Variants in MGAM2 observed in about 807,000 individuals in gnomAD.
MGAM2 encodes maltase-glucoamylase 2 (putative), also known as probable maltase-glucoamylase 2.
MGAM2 carries 98 observed loss-of-function variants against 96.1 expected under a neutral mutation model. The observed-to-expected ratio is 1.02, with a 90% CI of 0.87 to 1.21. The LOEUF is 1.21. Among genes scored for constraint, MGAM2 ranks in the 50% most tolerant of loss-of-function variants. The pLI is 0.00. For synonymous variants in MGAM2, 749 were observed against 414.8 expected, an observed-to-expected ratio of 1.81 and a Z score of -9.79; for missense variants, 2,055 against 1,182.4, an observed-to-expected ratio of 1.74 and a Z score of -10.82.
At chr7:142,115,982 AT>A (rs1817382699) in intron 1 of MGAM2, among the ~76,000 whole-genome samples, 1 of 152,210 alleles carries the variant, frequency 6.6e-6, no homozygotes, top group Non-Finnish European at 1.5e-5. Flanking sequence ...GCTAGCAAAC[AT>A]TTGAGGATGA....
intron 32 of MGAM2, among the ~76,000 whole-genome samples, chr7:142,181,588 A>G (rs1409817682): frequency 1.3e-5 from 2 of 152,112 alleles, no homozygotes; most frequent in African/African-American, 4.8e-5. Flanking sequence ...TATCATGCCT[A>G]TGTTTCCTTA....
chr7:142,150,524 C>G (rs532251213), intron 15 of MGAM2, among the ~76,000 whole-genome samples: 1 of 152,120 alleles, frequency 6.6e-6, no homozygotes, highest in South Asian at 2.1e-4. Flanking sequence ...TACCCTCTAC[C>G]CTTTCTACTT....
At chr7:142,163,628 G>C (rs1371254155) in intron 23 of MGAM2, among the ~76,000 whole-genome samples, 3 of 152,276 alleles carry the variant, frequency 2.0e-5, no homozygotes, top group African/African-American at 7.2e-5. Context: ...CAGTTGCTGG[G>C]TCTTATGGTA....
At chr7:142,211,750 C>G (rs189127070) in intron 46 of MGAM2, among the ~76,000 whole-genome samples, 6 of 152,250 alleles carry the variant, frequency 3.9e-5, no homozygotes, top group African/African-American at 1.4e-4. Context: ...AGAATGGAAC[C>G]AAGTTGTAAA....
At chr7:142,180,185 G>T (rs538513564) in intron 32 of MGAM2, among the ~76,000 whole-genome samples, 1 of 152,208 alleles carries the variant, frequency 6.6e-6, no homozygotes, top group African/African-American at 2.4e-5. Context: ...CTGTATATTT[G>T]TGTGATTGGG....
chr7:142,167,018 C>A (rs994323023), intron 25 of MGAM2, among the ~76,000 whole-genome samples: 1 of 152,114 alleles, frequency 6.6e-6, no homozygotes, highest in Non-Finnish European at 1.5e-5. Context: ...AATAAGGATA[C>A]CAGTAATACC....
rs1471898476 is a variant in MGAM2 at position 142,154,846 on chromosome 7, G to C, written c.1923+1G>C. 2.8e-6 allele frequency: 2 copies of C among 703,030 alleles called. No individual in the cohort carries two copies. Among genetic ancestry groups the C allele is most frequent in the African/African-American group, 3.5e-5 (2 of 57,246 alleles). The allele number at this position is 703,030 out of a possible 1,614,324, so 43.5% of individuals were successfully genotyped here. On this transcript the variant is annotated splice_donor_variant, in intron 17 of 47. Transcript: ENST00000477922. LOFTEE classifies it high-confidence loss of function. The stretch of plus-strand genomic sequence containing the variant: ...GAATCACAATGGGCCTGGGTTCAGG[G>C]TAAGGTCACCAAAAGAAGTGATGGA...
chr7:142,130,090 A>G (rs1794843840), intron 3 of MGAM2, among the ~76,000 whole-genome samples: 3 of 152,162 alleles, frequency 2.0e-5, no homozygotes, highest in Admixed American at 6.5e-5. Flanking sequence ...CCTGAAAATT[A>G]TAAGACCTTT....
chr7:142,112,183 A>C (rs1817196009), intron 1 of MGAM2, among the ~76,000 whole-genome samples: 2 of 152,096 alleles, frequency 1.3e-5, no homozygotes, highest in East Asian at 1.9e-4. Context: ...GAGGAAGGTG[A>C]ATTCCTCCCA....
chr7:142,116,770 G>A, intron 1 of MGAM2, 104 bp from the exon 2 acceptor site: 1 of 670,662 alleles, frequency 1.5e-6, no homozygotes. Flanking sequence ...GATAATCAAG[G>A]TCATCTTGCA....
At chr7:142,194,904 G>C (rs1796984329) in intron 37 of MGAM2, among the ~76,000 whole-genome samples, 1 of 152,026 alleles carries the variant, frequency 6.6e-6, no homozygotes, top group South Asian at 2.1e-4. Flanking sequence ...ATACATACTA[G>C]GATCTATTAG....
intron 3 of MGAM2, among the ~76,000 whole-genome samples, chr7:142,125,901 TTAA>T (rs2129075585): frequency 6.6e-6 from 1 of 152,190 alleles, no homozygotes; most frequent in Non-Finnish European, 1.5e-5. Context: ...TGAGAAAGTA[TTAA>T]TGTTTCCTGT....
intron 7 of MGAM2, among the ~76,000 whole-genome samples, chr7:142,135,002 AG>A (rs1795014320): frequency 6.6e-6 from 1 of 152,164 alleles, no homozygotes; most frequent in Non-Finnish European, 1.5e-5. Context: ...AAAGGGTTTG[AG>A]GAAGTATTGT....
At position 142,116,757 on chromosome 7, in the gene MGAM2, G is replaced by A. The variant is rs548208505; in HGVS notation, c.1-117G>A. Reference sequence around the variant, plus strand: ...ATTCTTTAGATTATGTAAAGAGGATGCTGATAATCAAGGTCATCTTGCAAA... The same window carrying A: ...ATTCTTTAGATTATGTAAAGAGGATACTGATAATCAAGGTCATCTTGCAAA... On this transcript the variant is annotated intron_variant, in intron 1 of 47. Transcript: ENST00000477922. 7.6e-6 allele frequency: 5 copies of A among 658,972 alleles called. No homozygotes were observed. In the South Asian group the frequency reaches 8.4e-5, roughly 11 times the overall value. 40.8% of individuals were successfully genotyped at this position (658,972 alleles called of 1,614,324 possible). A position where few individuals can be genotyped will look rare whatever the true frequency, so the allele number is the denominator to read the frequency against.
At chr7:142,194,324 G>A (rs777497842) in intron 37 of MGAM2, among the ~76,000 whole-genome samples, 8 of 152,128 alleles carry the variant, frequency 5.3e-5, no homozygotes, top group Non-Finnish European at 8.8e-5. Context: ...GAGCCACTGC[G>A]CCCGGCCCCT....
intron 18 of MGAM2, 37 bp from the exon 19 acceptor site, chr7:142,158,211 G>A (rs569668997): frequency 2.8e-6 from 2 of 702,824 alleles, no homozygotes; most frequent in African/African-American, 1.7e-5. Flanking sequence ...CTGTATTAGA[G>A]ACTTCACCTG....
At chr7:142,165,069 C>T (rs73545402) in intron 24 of MGAM2, 46 bp downstream of exon 24, 8,527 of 636,894 alleles carry the variant, frequency 0.013, 474 homozygotes, top group African/African-American at 0.13. Context: ...GAGGCCTTGG[C>T]TCTGACAGCC....
At chr7:142,144,002 T>C in intron 13 of MGAM2, 120 bp downstream of exon 13, 1 of 577,300 alleles carries the variant, frequency 1.7e-6, no homozygotes, top group Admixed American at 2.6e-5. Flanking sequence ...TATGTAGTAG[T>C]ATTCAAAATT....
chr7:142,208,396 C>G, intron 45 of MGAM2, 177 bp from the exon 46 acceptor site: 2 of 658,386 alleles, frequency 3.0e-6, no homozygotes, highest in Non-Finnish European at 2.8e-6. Context: ...TGCACATCCC[C>G]ACACTAACAT....
Sources: gnomAD v4.1 joint callset for allele counts (sites outside exome capture counted in the v4.1 genomes callset) on GRCh38, gnomAD v4.1.1 for gene constraint, MANE v1.5 for transcripts, NCBI Gene and HGNC (gene_info 2026-07-23, HGNC 2026-07-21) for gene names.